GPHN: variants seen among roughly 807,000 people sequenced by gnomAD.
GPHN encodes the protein gephyrin.
A neutral mutation model predicts 95.5 loss-of-function variants in GPHN; 17 were observed. That is an observed-to-expected ratio of 0.18 (90% CI 0.12 to 0.27). GPHN has a LOEUF of 0.27. GPHN is among the 10% of genes least tolerant of loss of function. The pLI is 1.00. For missense variants in GPHN, 660 were observed against 978.1 expected (o/e 0.67, Z 4.34); for synonymous variants, 320 against 322.5 (o/e 0.99, Z 0.08).
chr14:67,027,431 A>G (rs966564154), intron 10 of GPHN, among the ~76,000 whole-genome samples: 2 of 151,986 alleles, frequency 1.3e-5, no homozygotes, highest in African/African-American at 4.8e-5. Context: ...CCCAGGTTCA[A>G]GTGATTCTCC....
At chr14:66,984,482 G>T (rs992745070) in intron 9 of GPHN, among the ~76,000 whole-genome samples, 1 of 152,126 alleles carries the variant, frequency 6.6e-6, no homozygotes, top group South Asian at 2.1e-4. Flanking sequence ...ATCCAGTAGA[G>T]CCAAAAGTTG....
At chr14:67,389,873 T>C in the GPHN span, among the ~76,000 whole-genome samples, 1 of 152,090 alleles carries the variant, frequency 6.6e-6, no homozygotes, top group African/African-American at 2.4e-5. Flanking sequence ...AACTCCATCC[T>C]GTAGCCAGGC....
the GPHN span, among the ~76,000 whole-genome samples, chr14:67,418,634 T>C: frequency 6.6e-6 from 1 of 152,110 alleles, no homozygotes; most frequent in Non-Finnish European, 1.5e-5. Flanking sequence ...CTGCAGCCAA[T>C]GTGAGTGCGA....
chr14:67,163,572 T>G (rs528818403), intron 19 of GPHN, among the ~76,000 whole-genome samples: 1 of 152,136 alleles, frequency 6.6e-6, no homozygotes, highest in African/African-American at 2.4e-5. Flanking sequence ...TCTTGTGACC[T>G]AACATCACTG....
chr14:67,216,172 T>C, the GPHN span, among the ~76,000 whole-genome samples: 1 of 152,156 alleles, frequency 6.6e-6, no homozygotes, highest in African/African-American at 2.4e-5. Context: ...TGTTATTAAC[T>C]ATAGTCCATA....
chr14:67,618,289 C>T, the GPHN span, among the ~76,000 whole-genome samples: 1 of 152,106 alleles, frequency 6.6e-6, no homozygotes, highest in African/African-American at 2.4e-5. Context: ...TGTAAATTCG[C>T]GAGTGGGGCC....
the GPHN span, among the ~76,000 whole-genome samples, chr14:67,611,976 A>T: frequency 6.6e-6 from 1 of 152,212 alleles, no homozygotes; most frequent in Non-Finnish European, 1.5e-5. Flanking sequence ...ATCATCAGGC[A>T]TTAAATTCTC....
intron 10 of GPHN, among the ~76,000 whole-genome samples, chr14:67,032,480 A>G (rs1039446997): frequency 6.6e-6 from 1 of 152,192 alleles, no homozygotes; most frequent in Non-Finnish European, 1.5e-5. Context: ...AGGGCTACCA[A>G]GAGAATGGTT....
the GPHN span, among the ~76,000 whole-genome samples, chr14:67,437,626 A>G: frequency 1.3e-5 from 2 of 152,164 alleles, no homozygotes; most frequent in Non-Finnish European, 2.9e-5. Context: ...TCCAGGGGGA[A>G]GAGGATGCTG....
At chr14:67,690,703 G>C in the GPHN span, 4 of 434,706 alleles carry the variant, frequency 9.2e-6, no homozygotes, top group African/African-American at 6.0e-5. Context: ...GAGCTGGTTG[G>C]CTGGGTGCGG....
chr14:67,351,393 G>T, the GPHN span, among the ~76,000 whole-genome samples: 1 of 152,140 alleles, frequency 6.6e-6, no homozygotes, highest in African/African-American at 2.4e-5. Context: ...AAAAGAAAAT[G>T]TGGCATAATA....
the GPHN span, among the ~76,000 whole-genome samples, chr14:67,355,449 CAAAAAAAAA>C: frequency 1.3e-3 from 25 of 18,952 alleles, no homozygotes; most frequent in South Asian, 8.8e-3. Flanking sequence ...GACCCTGTCT[CAAAAAAAAA>C]AAAAAAAAAA....
the GPHN span, chr14:67,473,753 G>A: frequency 6.2e-7 from 1 of 1,613,646 alleles, no homozygotes; most frequent in East Asian, 2.2e-5. The surrounding 1 kb of genome is among the most constrained non-coding windows in gnomAD (Gnocchi z 6.5). Context: ...CCACGATGAG[G>A]ATGGAGGTGC....
At chr14:66,996,254 A>G in intron 9 of GPHN, 1 of 1,269,164 alleles carries the variant, frequency 7.9e-7, no homozygotes, top group Non-Finnish European at 1.1e-6. Context: ...ATGGTCAATA[A>G]CATGCTCGCC....
chr14:67,443,178 G>A, the GPHN span, among the ~76,000 whole-genome samples: 2 of 151,964 alleles, frequency 1.3e-5, no homozygotes, highest in Non-Finnish European at 2.9e-5. Context: ...CTATGACTGC[G>A]CCACTGCACT....
chr14:67,620,627 A>G, the GPHN span, among the ~76,000 whole-genome samples: 1 of 152,140 alleles, frequency 6.6e-6, no homozygotes, highest in Non-Finnish European at 1.5e-5. Context: ...GGGAGCGCTC[A>G]GTCATCTCGA....
chr14:67,500,645 C>G, the GPHN span, among the ~76,000 whole-genome samples: 60 of 148,704 alleles, frequency 4.0e-4, 1 homozygote, highest in Admixed American at 3.0e-3. Flanking sequence ...GATCTCGGCT[C>G]ACTGCAACCT....
chr14:66,861,266 A>G (rs974306655), intron 4 of GPHN, among the ~76,000 whole-genome samples: 2 of 152,112 alleles, frequency 1.3e-5, no homozygotes, highest in Non-Finnish European at 2.9e-5. Context: ...CAAAAACTGT[A>G]AGAAGAGACA....
intron 5 of GPHN, among the ~76,000 whole-genome samples, chr14:66,898,143 C>T (rs1355557931): frequency 2.6e-5 from 4 of 151,856 alleles, no homozygotes; most frequent in East Asian, 1.9e-4. Flanking sequence ...TGTTTTCTCC[C>T]AGTCAATACA....
Sources: allele counts gnomAD v4.1 joint callset (sites outside exome capture counted in the v4.1 genomes callset), GRCh38; gene constraint gnomAD v4.1.1; non-coding constraint Gnocchi (gnomAD v3.1); transcripts MANE v1.5; gene names NCBI Gene and HGNC (gene_info 2026-07-23, HGNC 2026-07-21).